ETV7: variants seen among roughly 807,000 people sequenced by gnomAD.
ETV7 encodes the protein ETS variant transcription factor 7, also known as transcription factor ETV7.
ETV7 carries 43 observed loss-of-function variants against 39.1 expected under a neutral mutation model. That is an observed-to-expected ratio of 1.10 (90% CI 0.86 to 1.42). The LOEUF is 1.42. Among genes scored for constraint, ETV7 ranks in the 40% most tolerant of loss-of-function variants. The pLI is 0.00. For missense variants in ETV7, 432 were observed against 442.3 expected, an observed-to-expected ratio of 0.98 and a Z score of 0.21; for synonymous variants, 196 against 176.6, an observed-to-expected ratio of 1.11 and a Z score of -0.87.
chr6:36,363,632 C>T (rs1184228860), downstream of ETV7, among the ~76,000 whole-genome samples: 6 of 152,248 alleles, frequency 3.9e-5, no homozygotes, highest in Admixed American at 3.9e-4. Flanking sequence ...CCACTGCTAG[C>T]TGGGGCAGCC....
At chr6:36,354,595 T>C (rs1249549406) in exon 8 of ETV7, 9 of 688,046 alleles carry the variant, frequency 1.3e-5, no homozygotes, top group East Asian at 8.1e-5. Flanking sequence ...GAAGTGTGGG[T>C]CCTCCAACTT....
In ETV7 at chr6:36,366,236, G is replaced by A. The variant is rs775666577; in HGVS notation, c.*409C>T. 77 of 1,028,306 alleles carry A rather than the reference G, an allele frequency of 7.5e-5. No individual in the cohort carries two copies. The highest frequency in any genetic ancestry group is 8.6e-5 in the East Asian group (1 of 11,596). The allele number at this position is 1,028,306 out of a possible 1,614,324, so 63.7% of individuals were successfully genotyped here. A position where few individuals can be genotyped will look rare whatever the true frequency, so the allele number is the denominator to read the frequency against. ...TATTGTTACTGAGGCTGTCAGTGCC[G>A]CCTGGAAGCACTAACACTTTTTCCC... is the stretch of plus-strand genomic sequence containing the variant. On this transcript the variant is annotated 3_prime_UTR_variant, in exon 8 of 8. Transcript: ENST00000340181.
At chr6:36,356,345 A>C (rs1482959842) in intron 7 of ETV7, among the ~76,000 whole-genome samples, 3 of 151,892 alleles carry the variant, frequency 2.0e-5, no homozygotes, top group Admixed American at 6.6e-5. Flanking sequence ...AAAAACAAAA[A>C]AAAACACAAA....
At chr6:36,354,676 T>C in exon 8 of ETV7, 1 of 699,166 alleles carries the variant, frequency 1.4e-6, no homozygotes, top group Admixed American at 2.0e-5. Context: ...GAAGATCAGC[T>C]GAAGTCCATT....
chr6:36,356,323 CA>C (rs59649348), intron 7 of ETV7, among the ~76,000 whole-genome samples: 2,985 of 77,654 alleles, frequency 0.038, 41 homozygotes, highest in African/African-American at 0.084. Context: ...GACCCTGTCT[CA>C]AAAAAAAAAA....
intron 6 of ETV7, 30 bp from the exon 7 acceptor site, chr6:36,367,005 C>A: frequency 6.4e-7 from 1 of 1,560,142 alleles, no homozygotes; most frequent in South Asian, 1.1e-5. Flanking sequence ...CACATCAGCC[C>A]CACTCCCCAT....
At chr6:36,387,029 G>C (rs1773939310) in intron 1 of ETV7, 1 of 184,624 alleles carries the variant, frequency 5.4e-6, no homozygotes, top group Non-Finnish European at 1.2e-5. Context: ...TGGAGGCCAG[G>C]GAAGGGTCTG....
chr6:36,367,522 A>G (rs1454427728), intron 6 of ETV7, among the ~76,000 whole-genome samples: 1 of 152,186 alleles, frequency 6.6e-6, no homozygotes, highest in African/African-American at 2.4e-5. Flanking sequence ...TCTCCTGCCT[A>G]CTTGGCTGAG....
intron 2 of ETV7, among the ~76,000 whole-genome samples, chr6:36,376,511 C>T (rs886762836): frequency 6.6e-6 from 1 of 152,186 alleles, no homozygotes; most frequent in Non-Finnish European, 1.5e-5. Flanking sequence ...GGCGCGGTGG[C>T]TCATGCCTGT....
chr6:36,380,486 G>A (rs1175818820), intron 2 of ETV7, among the ~76,000 whole-genome samples: 8 of 152,194 alleles, frequency 5.3e-5, no homozygotes, highest in Admixed American at 5.2e-4. Flanking sequence ...TCCCCTGGCT[G>A]GGGCAGCAAG....
Position 36,375,973 on chromosome 6 carries a change from C to T in ETV7, c.205G>A (p.Glu69Lys). The change falls in exon 3 of 8, where the codon GAG (glutamate) becomes AAG (lysine). Residue 69 changes from glutamate to lysine, a missense_variant. Transcript: ENST00000340181. ...TCCGCGGTGCATGGCAGAGAGTACTCCTGCTCTGCCCAGCGCAGCCAGTGC... is the reference window on the plus strand; with the variant it reads ...TCCGCGGTGCATGGCAGAGAGTACTTCTGCTCTGCCCAGCGCAGCCAGTGC... ...VLHWLRWAEQ[E>K]YSLPCTAEHG... The T allele has an allele frequency of 6.2e-7, 1 of 1,612,696 alleles. No individual in the cohort carries two copies. The highest frequency in any genetic ancestry group is 1.1e-5 in the South Asian group (1 of 91,080).
intron 7 of ETV7, among the ~76,000 whole-genome samples, chr6:36,360,340 G>A (rs1050751864): frequency 6.6e-6 from 1 of 152,196 alleles, no homozygotes; most frequent in South Asian, 2.1e-4. Context: ...ATAAGAAGAG[G>A]AGATAAGAAG....
intron 7 of ETV7, among the ~76,000 whole-genome samples, chr6:36,357,141 C>T (rs1447691616): frequency 1.3e-5 from 2 of 152,066 alleles, no homozygotes; most frequent in Non-Finnish European, 2.9e-5. Flanking sequence ...ATCAAGATAC[C>T]ATTTGCCACT....
rs1772727703 is a variant in ETV7, at chr6:36,366,581, C to T, written c.*64G>A. 2 of 1,609,568 alleles carry T rather than the reference C, an allele frequency of 1.2e-6. No individual in the cohort carries two copies. The highest frequency in any genetic ancestry group is 1.7e-5 in the Admixed American group (1 of 59,878). ...CTGCTGCTCTGCTGGGAGGAGGAGT[C>T]TGCCTTCATGGGAGACTCGGTCCCT... On this transcript the variant is annotated 3_prime_UTR_variant, in exon 8 of 8. Transcript: ENST00000340181.
At chr6:36,371,268 C>T (rs567317601) in intron 5 of ETV7, 62 bp downstream of exon 5, 76 of 1,462,678 alleles carry the variant, frequency 5.2e-5, no homozygotes, top group African/African-American at 2.5e-4. Context: ...CCTCATCACT[C>T]GTGACTCTGA....
At chr6:36,359,451 CAA>C (rs201987326) in intron 7 of ETV7, among the ~76,000 whole-genome samples, 1 of 118,100 alleles carries the variant, frequency 8.5e-6, no homozygotes, top group Non-Finnish European at 1.9e-5. Context: ...AACTCAGTCT[CAA>C]AAAAAAAAAG....
At chr6:36,373,297 G>T (rs1289700433) in intron 4 of ETV7, among the ~76,000 whole-genome samples, 156 bp downstream of exon 4, 2 of 129,740 alleles carry the variant, frequency 1.5e-5, no homozygotes, top group East Asian at 5.6e-4. Flanking sequence ...AGGAAGGGCG[G>T]CCAGGAACGC....
chr6:36,380,909 G>A (rs1284264895), intron 2 of ETV7, among the ~76,000 whole-genome samples: 1 of 146,380 alleles, frequency 6.8e-6, no homozygotes, highest in Non-Finnish European at 1.5e-5. Context: ...TCTTCCCACA[G>A]CATCCCTTTT....
At chr6:36,387,431 G>A in intron 1 of ETV7, 105 bp downstream of exon 1, 1 of 1,473,966 alleles carries the variant, frequency 6.8e-7, no homozygotes, top group East Asian at 2.3e-5. Flanking sequence ...TTCCCGCCAG[G>A]TAAAAGGTCT....
Sources: allele counts gnomAD v4.1 joint callset (sites outside exome capture counted in the v4.1 genomes callset), GRCh38; gene constraint gnomAD v4.1.1; transcripts MANE v1.5; gene names NCBI Gene and HGNC (gene_info 2026-07-23, HGNC 2026-07-21).